Variants in KCTD16 observed in about 807,000 individuals in gnomAD.
KCTD16 encodes potassium channel tetramerization domain containing 16.
A neutral mutation model predicts 33.2 loss-of-function variants in KCTD16; 13 were observed. That is an observed-to-expected ratio of 0.39 (90% confidence interval 0.25 to 0.62). The LOEUF (loss-of-function observed/expected upper bound fraction) is 0.62. Among genes scored for constraint, KCTD16 ranks in the 20% least tolerant of loss-of-function variants. The probability of loss-of-function intolerance (pLI) is 0.50; values close to 1 mark genes in which losing one functional copy is unlikely to be tolerated. For missense variants in KCTD16, 441 were observed against 525.1 expected, an observed-to-expected ratio of 0.84 and a Z score of 1.57; for synonymous variants, 197 against 195.3, an observed-to-expected ratio of 1.01 and a Z score of -0.07.
Position 144,299,108 on chromosome 5 carries a change from A to G in KCTD16, c.832+91562A>G, listed in dbSNP as rs552076621. On this transcript the variant is annotated intron_variant, in intron 3 of 3. Transcript: ENST00000512467. Reference sequence around the variant, plus strand: ...TATATATCACTATGTATATATATATATATATATATATATATATATATATAT... The same window carrying G: ...TATATATCACTATGTATATATATATGTATATATATATATATATATATATAT... Among the ~76,000 whole-genome samples, 42 of 10,504 alleles carry G rather than the reference A, an allele frequency of 4.0e-3. 1 individual carries two copies. Among genetic ancestry groups the G allele is most frequent in the South Asian group, 0.022 (9 of 402 alleles). The allele number at this position is 10,504 out of a possible 152,430, so 6.9% of individuals were successfully genotyped here.
chr5:144,205,868 A>G, intron 2 of KCTD16: 2 of 281,588 alleles, frequency 7.1e-6, no homozygotes, highest in Non-Finnish European at 1.3e-5. Context: ...ATGCATATAT[A>G]TAATAGTTAT....
At chr5:144,245,791 C>T (rs1318622204) in intron 3 of KCTD16, among the ~76,000 whole-genome samples, 2 of 152,216 alleles carry the variant, frequency 1.3e-5, no homozygotes, top group Non-Finnish European at 2.9e-5. Flanking sequence ...ACGTGAAGTG[C>T]TGGCTCCCCC....
intron 3 of KCTD16, among the ~76,000 whole-genome samples, chr5:144,438,597 T>A (rs1753631856): frequency 6.6e-6 from 1 of 152,170 alleles, no homozygotes; most frequent in Non-Finnish European, 1.5e-5. Flanking sequence ...CCTGCATCAA[T>A]CACTGTGGTT....
At chr5:144,423,798 G>A (rs1357801718) in intron 3 of KCTD16, among the ~76,000 whole-genome samples, 1 of 152,080 alleles carries the variant, frequency 6.6e-6, no homozygotes, top group Non-Finnish European at 1.5e-5. Flanking sequence ...GAGAAAAAAA[G>A]TAATAAATAA....
chr5:144,318,304 G>T (rs957102123), intron 3 of KCTD16, among the ~76,000 whole-genome samples: 15 of 152,056 alleles, frequency 9.9e-5, no homozygotes, highest in African/African-American at 3.4e-4. Context: ...GATCTACCTT[G>T]GTACCTTGAT....
chr5:144,320,260 G>C (rs1752037642), intron 3 of KCTD16, among the ~76,000 whole-genome samples: 1 of 152,110 alleles, frequency 6.6e-6, no homozygotes, highest in Non-Finnish European at 1.5e-5. Flanking sequence ...TGTGAAATCT[G>C]AGGGCTAAAA....
At chr5:144,338,947 G>A (rs1010611209) in intron 3 of KCTD16, among the ~76,000 whole-genome samples, 2 of 152,174 alleles carry the variant, frequency 1.3e-5, no homozygotes, top group Non-Finnish European at 1.5e-5. Flanking sequence ...CAAAAAAGAT[G>A]TTAGCATTGT....
At chr5:144,188,957 G>T (rs1319525217) in intron 2 of KCTD16, among the ~76,000 whole-genome samples, 1 of 152,196 alleles carries the variant, frequency 6.6e-6, no homozygotes, top group African/African-American at 2.4e-5. Context: ...AAGCCCTGTT[G>T]TCATGGTAAG....
chr5:144,437,408 A>T (rs1753602982), intron 3 of KCTD16, among the ~76,000 whole-genome samples: 1 of 152,196 alleles, frequency 6.6e-6, no homozygotes, highest in South Asian at 2.1e-4. Flanking sequence ...CTAGTTTCAA[A>T]TCCCAGTCCC....
At chr5:144,300,924 G>A (rs1446232095) in intron 3 of KCTD16, among the ~76,000 whole-genome samples, 1 of 152,100 alleles carries the variant, frequency 6.6e-6, no homozygotes, top group Non-Finnish European at 1.5e-5. Flanking sequence ...GATGGGAGAA[G>A]ACAAGCAAGT....
rs1490602965 is a variant in KCTD16 at position 144,483,157 on chromosome 5, A to G, written c.*9043A>G. Reference sequence around the variant, plus strand: ...TCATTCCAAAAAAAAAAAAAAAACCAAACCAGAAAAAACCCAAAACACTAC... The same window carrying G: ...TCATTCCAAAAAAAAAAAAAAAACCGAACCAGAAAAAACCCAAAACACTAC... On this transcript the variant is annotated 3_prime_UTR_variant, in exon 4 of 4. Transcript: ENST00000512467. The G allele has an allele frequency of 6.6e-6, 1 of 150,486 alleles. No homozygotes were observed. Among genetic ancestry groups the G allele is most frequent in the Non-Finnish European group, 1.5e-5 (1 of 67,610 alleles). 9.3% of individuals were successfully genotyped at this position (150,486 alleles called of 1,614,324 possible). A position where few individuals can be genotyped will look rare whatever the true frequency, so the allele number is the denominator to read the frequency against.
Position 144,319,039 on chromosome 5 carries a change from G to T in KCTD16, c.832+111493G>T, listed in dbSNP as rs769393279. ...TTAAAGCAATATTCAAATAACTAAT[G>T]CATGAGAAGTACTATGATATAGTAT... is the stretch of plus-strand genomic sequence containing the variant. On this transcript the variant is annotated intron_variant, in intron 3 of 3. Coordinates refer to ENST00000512467, the MANE Select transcript of KCTD16 (RefSeq NM_020768.4). 4.7e-4 allele frequency among the ~76,000 whole-genome samples: 72 copies of T among 151,958 alleles called. 1 individual carries two copies. Among genetic ancestry groups the T allele is most frequent in the Non-Finnish European group, 1.0e-3 (68 of 68,002 alleles).
chr5:144,289,348 T>A (rs941176725), intron 3 of KCTD16, among the ~76,000 whole-genome samples: 2 of 152,224 alleles, frequency 1.3e-5, no homozygotes, highest in African/African-American at 4.8e-5. Flanking sequence ...ACCTGCCTTC[T>A]AATGATTTAA....
intron 3 of KCTD16, among the ~76,000 whole-genome samples, chr5:144,445,631 C>A (rs1037288984): frequency 6.6e-6 from 1 of 151,922 alleles, no homozygotes; most frequent in Non-Finnish European, 1.5e-5. Context: ...TTTTTTAATT[C>A]CACAGAACTT....
intron 3 of KCTD16, among the ~76,000 whole-genome samples, chr5:144,348,249 A>C (rs997206449): frequency 2.0e-5 from 3 of 152,162 alleles, no homozygotes; most frequent in Non-Finnish European, 4.4e-5. Flanking sequence ...TTATCTGTCT[A>C]CAGCACCACA....
intron 3 of KCTD16, among the ~76,000 whole-genome samples, chr5:144,303,990 T>C (rs1057249783): frequency 1.3e-5 from 2 of 152,216 alleles, no homozygotes; most frequent in Non-Finnish European, 2.9e-5. Context: ...ATGACACTTT[T>C]TGGCCCATAA....
chr5:144,408,067 G>T (rs1427435920), intron 3 of KCTD16, among the ~76,000 whole-genome samples: 1 of 152,202 alleles, frequency 6.6e-6, no homozygotes, highest in Non-Finnish European at 1.5e-5. Context: ...CCAGTAATGG[G>T]ATTGCTGGGC....
At chr5:144,360,205 C>T (rs1370158256) in intron 3 of KCTD16, among the ~76,000 whole-genome samples, 1 of 152,098 alleles carries the variant, frequency 6.6e-6, no homozygotes, top group Non-Finnish European at 1.5e-5. Context: ...AACCCATCAT[C>T]TACATTAGGT....
intron 3 of KCTD16, among the ~76,000 whole-genome samples, chr5:144,289,209 A>T (rs2126860824): frequency 6.6e-6 from 1 of 152,236 alleles, no homozygotes; most frequent in Middle Eastern, 3.4e-3. Flanking sequence ...ATCATTTATG[A>T]TTTGTTTCTT....
Sources: allele counts gnomAD v4.1 joint callset (sites outside exome capture counted in the v4.1 genomes callset), GRCh38; gene constraint gnomAD v4.1.1; transcripts MANE v1.5; gene names NCBI Gene and HGNC (gene_info 2026-07-23, HGNC 2026-07-21).